The following TMC6 variants were observed in gnomAD, a reference collection of about 807,000 sequenced individuals.
TMC6 encodes the protein transmembrane channel like 6.
A neutral mutation model predicts 95.4 loss-of-function variants in TMC6; 71 were observed. That is an observed-to-expected ratio of 0.74 (90% confidence interval 0.61 to 0.91). TMC6 has a LOEUF of 0.91. Ranked by LOEUF, TMC6 falls within the 40% of genes least tolerant of loss-of-function variation. The probability of loss-of-function intolerance (pLI) is 0.00; values close to 1 mark genes in which losing one functional copy is unlikely to be tolerated. For synonymous variants in TMC6, 514 were observed against 483.1 expected, an observed-to-expected ratio of 1.06 and a Z score of -0.84; for missense variants, 1,074 against 1,079.1, an observed-to-expected ratio of 1.00 and a Z score of 0.07.
rs2074290249 is a variant in TMC6 at position 78,119,297 on chromosome 17, C to T, written c.1811G>A (p.Trp604Ter). 2 of 1,613,968 alleles carry T rather than the reference C, an allele frequency of 1.2e-6. No individual in the cohort carries two copies. The highest frequency in any genetic ancestry group is 2.2e-5 in the East Asian group (1 of 44,884). ...LELIYGQTLT[W>*]LGVLFSPLLP... is the part of the protein sequence containing the mutation. ...TAGGAGGCAAGCAGAGGACCCTCACCAGGTCAGAGTCTGCCCATAAATCAG... is the reference window on the plus strand; with the variant it reads ...TAGGAGGCAAGCAGAGGACCCTCACTAGGTCAGAGTCTGCCCATAAATCAG... The change falls in exon 14 of 20, where the codon TGG becomes TAG. Residue 604 changes from tryptophan (W) to a stop codon, truncating the protein, a stop_gained and splice_region_variant. Coordinates refer to ENST00000590602, the MANE Select transcript of TMC6 (RefSeq NM_001127198.5). LOFTEE classifies it high-confidence loss of function.
In TMC6 at chr17:78,122,735, A is replaced by G. The variant is rs1222873672; in HGVS notation, c.1097T>C (p.Phe366Ser). 1.9e-6 allele frequency: 3 copies of G among 1,610,640 alleles called. No homozygotes were observed. The highest frequency in any genetic ancestry group is 2.5e-6 in the Non-Finnish European group (3 of 1,179,108). The change falls in exon 10 of 20, where the codon TTC becomes TCC. Residue 366 changes from phenylalanine (F) to serine (S), a missense_variant. Phe to Ser is a radical substitution (Grantham distance 155, BLOSUM62 -2). Transcript: ENST00000590602. The surrounding 1 kb of genome is among the most constrained non-coding windows in gnomAD (Gnocchi z 4.9). Reference sequence around the variant, plus strand: ...GCTGCCCACCCGGTAGCTCTCCCCGAAAGAGTGAGCCATGCTGGGGAGAAG... The same window carrying G: ...GCTGCCCACCCGGTAGCTCTCCCCGGAAGAGTGAGCCATGCTGGGGAGAAG... ...ITLVYSMAHS[F>S]GESYRVGSTS...
At chr17:78,120,399 A>T in intron 13 of TMC6, 1 of 574,670 alleles carries the variant, frequency 1.7e-6, no homozygotes, top group Non-Finnish European at 3.3e-6. Flanking sequence ...ACCTCAGGTG[A>T]TCCACTCACC....
intron 18 of TMC6, 168 bp from the exon 19 acceptor site, chr17:78,113,792 AAC>A: frequency 1.4e-6 from 1 of 716,062 alleles, no homozygotes; most frequent in Non-Finnish European, 2.4e-6. Flanking sequence ...GACAAGGAAA[AAC>A]CAAGAGCCAG....
At position 78,110,829 on chromosome 17, in the gene TMC6, C is replaced by T. The variant is rs992939331; in HGVS notation, c.*2319G>A. 2 of 152,322 alleles carry T rather than the reference C, an allele frequency of 1.3e-5. No individual in the cohort carries two copies. The highest frequency in any genetic ancestry group is 6.5e-5 in the Admixed American group (1 of 15,278). The allele number at this position is 152,322 out of a possible 1,614,324, so 9.4% of individuals were successfully genotyped here. ...GGCGAGGAGCTGGGAGGTCACAGAA[C>T]ATGCCCCAGGGCACCCAGGGACACA... On this transcript the variant is annotated 3_prime_UTR_variant, in exon 20 of 20. Coordinates refer to ENST00000590602, the MANE Select transcript of TMC6 (RefSeq NM_001127198.5).
At chr17:78,113,714 C>G in intron 18 of TMC6, 90 bp from the exon 19 acceptor site, 4 of 1,348,970 alleles carry the variant, frequency 3.0e-6, no homozygotes, top group Non-Finnish European at 4.2e-6. Flanking sequence ...AGGGAAAACT[C>G]ACGAGGTGTA....
chr17:78,130,995 G>T (rs11658760), upstream of TMC6: 61,171 of 170,992 alleles, frequency 0.36, 12,871 homozygotes, highest in Non-Finnish European at 0.47. Context: ...GGGGCTCGCG[G>T]GGTACCTGGG....
At chr17:78,126,010 G>T in intron 4 of TMC6, 126 bp from the exon 5 acceptor site, 1 of 1,362,830 alleles carries the variant, frequency 7.3e-7, no homozygotes, top group Non-Finnish European at 1.0e-6. Context: ...TTTCAACAAA[G>T]ACTTCAGGCA....
In TMC6 at chr17:78,125,815, C is replaced by T. The variant is rs538278051; in HGVS notation, c.341G>A (p.Arg114Gln). ...GCGGACAAAGTTCCCGAGCAGGGGC[C>T]GGCTGCTCCTGCACCGAAGCTGCAC... ...RTVQLRCRSS[R>Q]PLLGNFVRSA... Residue 114 changes from arginine to glutamine, a missense_variant, in exon 5 of 20, where the codon CGG becomes CAG. Physicochemically the swap from Arg to Gln is conservative, Grantham distance 43 (BLOSUM62 1). Coordinates refer to ENST00000590602, the MANE Select transcript of TMC6 (RefSeq NM_001127198.5). 10 of 1,556,882 alleles carry T rather than the reference C, an allele frequency of 6.4e-6. No individual in the cohort carries two copies. The highest frequency in any genetic ancestry group is 2.7e-5 in the African/African-American group (2 of 73,240).
chr17:78,119,091 C>A lies in TMC6; in HGVS notation c.1812-45G>T, dbSNP rs1260654892. ...TCAGGGGCTGCTCCAGTGCCCTCCC[C>A]TCCCCGAGATCAGGCTGGTTCCAGA... is the stretch of plus-strand genomic sequence containing the variant. On this transcript the variant is annotated intron_variant, in intron 14 of 19. Transcript: ENST00000590602. 5 of 1,547,274 alleles carry A rather than the reference C, an allele frequency of 3.2e-6. No homozygotes were observed. In the African/African-American group the frequency reaches 6.8e-5, roughly 21 times the overall value.
At chr17:78,113,252 C>T (rs2073881670) in intron 19 of TMC6, 41 bp from the exon 20 acceptor site, 2 of 1,541,324 alleles carry the variant, frequency 1.3e-6, no homozygotes, top group African/African-American at 2.7e-5. Context: ...CCATAAACAT[C>T]AACATCCCTG....
upstream of TMC6, chr17:78,131,642 G>T (rs773629838): frequency 6.4e-7 from 1 of 1,558,288 alleles, no homozygotes; most frequent in Non-Finnish European, 8.7e-7. Flanking sequence ...TGCCGGAGCC[G>T]GAGGAGCTGT....
At chr17:78,130,070 A>T (rs1426956467), upstream of TMC6, among the ~76,000 whole-genome samples, 2 of 152,188 alleles carry the variant, frequency 1.3e-5, no homozygotes, top group East Asian at 3.9e-4. Flanking sequence ...GGGAGCAGAG[A>T]GGAAGGGCTG....
chr17:78,109,167 C>A lies in TMC6; in HGVS notation c.*3981G>T. ...CAACATCACGGCAGAACGGTAAAGG[C>A]AGAAAGCACAGTGCCCAGCAGCTAG... On this transcript the variant is annotated 3_prime_UTR_variant, in exon 20 of 20. Transcript: ENST00000590602. 1 of 314,036 alleles carries A rather than the reference C, an allele frequency of 3.2e-6. No homozygotes were observed. Among genetic ancestry groups the A allele is most frequent in the Non-Finnish European group, 6.3e-6 (1 of 158,430 alleles). 19.5% of individuals were successfully genotyped at this position (314,036 alleles called of 1,614,324 possible).
In TMC6 at chr17:78,117,326, G is replaced by A; in HGVS notation, c.2220C>T (p.Ile740=). Reference sequence around the variant, plus strand: ...CCTTGCGCTGGCCCCGCACCACCTGGATGTTGAGGTAGATCACGGCCCTGC... The same window carrying A: ...CCTTGCGCTGGCCCCGCACCACCTGAATGTTGAGGTAGATCACGGCCCTGC... ...ALLLAVIYLN[I]QVVRGQRKVI... is the part of the protein sequence containing the mutation. The change falls in exon 18 of 20, where the codon ATC becomes ATT. Residue 740 remains isoleucine, a synonymous_variant. Coordinates refer to ENST00000590602, the MANE Select transcript of TMC6 (RefSeq NM_001127198.5). 3 of 1,613,496 alleles carry A rather than the reference G, an allele frequency of 1.9e-6. No individual in the cohort carries two copies. The highest frequency in any genetic ancestry group is 2.5e-6 in the Non-Finnish European group (3 of 1,180,006).
At chr17:78,132,404 T>C, upstream of TMC6, 1 of 1,613,044 alleles carries the variant, frequency 6.2e-7, no homozygotes, top group Non-Finnish European at 8.5e-7. Flanking sequence ...TTCCTCCGCT[T>C]CCTGCTGCTA....
rs2073987571 is a variant in TMC6, at chr17:78,114,995, TCTGAA to T, written c.2278-1376_2278-1372del. On this transcript the variant is annotated intron_variant, in intron 18 of 19. Coordinates refer to ENST00000590602, the MANE Select transcript of TMC6 (RefSeq NM_001127198.5). The stretch of plus-strand genomic sequence containing the variant: ...CTGGCCCTACCTGGCCCCTGGGGGC[TCTGAA>T]ATGCCACCCAGTAGGGCAGGAGCCA... Among the ~76,000 whole-genome samples, 7 of 152,286 alleles carry T rather than the reference TCTGAA, an allele frequency of 4.6e-5. No individual in the cohort carries two copies. In the South Asian group the frequency reaches 1.0e-3, roughly 23 times the overall value.
rs1212286554 is a variant in TMC6 at position 78,109,592 on chromosome 17, C to T, written c.*3556G>A. The T allele has an allele frequency of 2.2e-6, 1 of 455,974 alleles. No individual in the cohort carries two copies. Among genetic ancestry groups the T allele is most frequent in the South Asian group, 1.6e-5 (1 of 64,492 alleles). The allele number at this position is 455,974 out of a possible 1,614,324, so 28.2% of individuals were successfully genotyped here. On this transcript the variant is annotated 3_prime_UTR_variant, in exon 20 of 20. Transcript: ENST00000590602. ...GCTGCAGTGAGCTGTGATCGTGCCACTGTGCTCCGGGATGGGCAACAGAAA... is the reference window on the plus strand; with the variant it reads ...GCTGCAGTGAGCTGTGATCGTGCCATTGTGCTCCGGGATGGGCAACAGAAA...
In TMC6 at chr17:78,109,763, A is replaced by G. The variant is rs1399155756; in HGVS notation, c.*3385T>C. ...CTTGGCCCATTAGAATTACCTGAAA[A>G]TTTTTAAGATAATTCACATCCGGCC... On this transcript the variant is annotated 3_prime_UTR_variant, in exon 20 of 20. Transcript: ENST00000590602. 5.8e-6 allele frequency: 2 copies of G among 346,872 alleles called. No homozygotes were observed. Among genetic ancestry groups the G allele is most frequent in the East Asian group, 7.9e-5 (1 of 12,712 alleles). 21.5% of individuals were successfully genotyped at this position (346,872 alleles called of 1,614,324 possible).
rs1013266189 is a variant in TMC6, at chr17:78,108,131, C to T, written c.*5017G>A. The T allele has an allele frequency of 6.6e-6, 1 of 152,256 alleles. No individual in the cohort carries two copies. Among genetic ancestry groups the T allele is most frequent in the Admixed American group, 6.5e-5 (1 of 15,276 alleles). 9.4% of individuals were successfully genotyped at this position (152,256 alleles called of 1,614,324 possible). On this transcript the variant is annotated 3_prime_UTR_variant, in exon 20 of 20. Coordinates refer to ENST00000590602, the MANE Select transcript of TMC6 (RefSeq NM_001127198.5). The stretch of plus-strand genomic sequence containing the variant: ...GACAAACCGAGCACCCCAGCGGCCC[C>T]TCAAACTAAGCAAGGATCTTTTTTC...
Sources: allele counts gnomAD v4.1 joint callset (sites outside exome capture counted in the v4.1 genomes callset), GRCh38; gene constraint gnomAD v4.1.1; non-coding constraint Gnocchi (gnomAD v3.1); transcripts MANE v1.5; gene names NCBI Gene and HGNC (gene_info 2026-07-23, HGNC 2026-07-21).